CYP2C19: variants seen among roughly 807,000 people sequenced by gnomAD.
CYP2C19 encodes the protein cytochrome P450 family 2 subfamily C member 19.
CYP2C19 carries 59 observed loss-of-function variants against 40.9 expected under a neutral mutation model. That is an observed-to-expected ratio of 1.44 (90% confidence interval 1.17 to 1.79). The LOEUF is 1.79. Among genes scored for constraint, CYP2C19 ranks in the 40% most tolerant of loss-of-function variants. The pLI is 0.00. For synonymous variants in CYP2C19, 253 were observed against 208.7 expected (o/e 1.21, Z -1.83); for missense variants, 754 against 596.9 (o/e 1.26, Z -2.74).
In CYP2C19 at chr10:94,774,861, T is replaced by C. The variant is rs1229067514; in HGVS notation, c.169-197T>C. The stretch of plus-strand genomic sequence containing the variant: ...AATCTGTGTAGCAATTGTCTGACCA[T>C]TGCCTTGAACATCATAGGCCATCTG... On this transcript the variant is annotated intron_variant, in intron 1 of 8. Coordinates refer to ENST00000371321, the MANE Select transcript of CYP2C19 (RefSeq NM_000769.4). 1.5e-5 allele frequency: 9 copies of C among 610,774 alleles called. No homozygotes were observed. The East Asian group carries it at 2.5e-4, about 17-fold the overall frequency. 37.8% of individuals were successfully genotyped at this position (610,774 alleles called of 1,614,324 possible). A position where few individuals can be genotyped will look rare whatever the true frequency, so the allele number is the denominator to read the frequency against.
intron 6 of CYP2C19, among the ~76,000 whole-genome samples, chr10:94,836,477 G>T (rs1849405371): frequency 6.6e-6 from 1 of 152,162 alleles, no homozygotes; most frequent in Non-Finnish European, 1.5e-5. Flanking sequence ...CTTCTTTAGG[G>T]CCTGGAAAGC....
chr10:94,804,701 C>T (rs766388814), intron 5 of CYP2C19, among the ~76,000 whole-genome samples: 1 of 152,116 alleles, frequency 6.6e-6, no homozygotes, highest in Non-Finnish European at 1.5e-5. Context: ...CAGCTGAATG[C>T]CATCATGAGG....
intron 5 of CYP2C19, among the ~76,000 whole-genome samples, chr10:94,807,650 C>T (rs542347431): frequency 7.9e-5 from 12 of 152,098 alleles, no homozygotes; most frequent in Non-Finnish European, 1.5e-4. Context: ...TAATCATAAG[C>T]ATTTTCCATA....
At chr10:94,782,796 C>A (rs1436875746) in intron 5 of CYP2C19, among the ~76,000 whole-genome samples, 1 of 152,136 alleles carries the variant, frequency 6.6e-6, no homozygotes, top group Non-Finnish European at 1.5e-5. Flanking sequence ...AAGATGAATT[C>A]ATGTCCTCTG....
chr10:94,794,431 C>T (rs545546389), intron 5 of CYP2C19, among the ~76,000 whole-genome samples: 3 of 152,178 alleles, frequency 2.0e-5, no homozygotes, highest in Non-Finnish European at 2.9e-5. Context: ...CCATCTTCTA[C>T]ATTGCTCACA....
At chr10:94,779,551 T>TTTTTCTTTTCTTTTC (rs6144036) in intron 3 of CYP2C19, among the ~76,000 whole-genome samples, 23,129 of 135,912 alleles carry the variant, frequency 0.17, 2,174 homozygotes, top group South Asian at 0.34. Context: ...CTTTTTTTCC[T>TTTTTCTTTTCTTTTC]TTTTCTTTTC....
chr10:94,829,748 C>A (rs1300802420), intron 6 of CYP2C19, among the ~76,000 whole-genome samples: 1 of 151,630 alleles, frequency 6.6e-6, no homozygotes, highest in Non-Finnish European at 1.5e-5. Flanking sequence ...TTAGAGTTTC[C>A]AGTTTTTCTG....
chr10:94,803,389 G>A (rs544980778), intron 5 of CYP2C19, among the ~76,000 whole-genome samples: 124 of 152,288 alleles, frequency 8.1e-4, no homozygotes, highest in African/African-American at 2.9e-3. Context: ...CATGTCAGTA[G>A]ATGGGACTTG....
At chr10:94,828,249 T>C (rs909164840) in intron 6 of CYP2C19, among the ~76,000 whole-genome samples, 2 of 151,168 alleles carry the variant, frequency 1.3e-5, no homozygotes, top group Admixed American at 6.6e-5. Flanking sequence ...ATCTGTCTAA[T>C]GTTGACAGTG....
chr10:94,823,000 G>A (rs74152372), intron 6 of CYP2C19, among the ~76,000 whole-genome samples: 1,848 of 151,976 alleles, frequency 0.012, 55 homozygotes, highest in African/African-American at 0.043. Flanking sequence ...TTTAAGCTAT[G>A]TAGAGTACAG....
In CYP2C19 at chr10:94,780,593, G is replaced by A. The variant is rs777902393; in HGVS notation, c.576G>A (p.Gln192=). The A allele has an allele frequency of 6.8e-6, 11 of 1,613,736 alleles. No individual in the cohort carries two copies. The highest frequency in any genetic ancestry group is 3.3e-5 in the Admixed American group (2 of 59,962). The change falls in exon 4 of 9, where the codon CAG becomes CAA. Residue 192 remains glutamine (Q), a synonymous_variant. Transcript: ENST00000371321. ...AGAAACGTTTCGATTATAAAGATCA[G>A]CAATTTCTTAACTTGATGGAAAAAT... ...IFQKRFDYKD[Q]QFLNLMEKLN...
At chr10:94,824,951 C>T (rs567743178) in intron 6 of CYP2C19, among the ~76,000 whole-genome samples, 3 of 147,490 alleles carry the variant, frequency 2.0e-5, no homozygotes, top group African/African-American at 5.0e-5. Context: ...ATGATGATTT[C>T]CAATTTCATC....
rs907853747 is a variant in CYP2C19 at position 94,853,194 on chromosome 10, T to G, written c.*280T>G. 3.8e-5 allele frequency: 16 copies of G among 418,790 alleles called. No homozygotes were observed. The highest frequency in any genetic ancestry group is 6.7e-5 in the Non-Finnish European group (16 of 237,504). The allele number at this position is 418,790 out of a possible 1,614,324, so 25.9% of individuals were successfully genotyped here. A position where few individuals can be genotyped will look rare whatever the true frequency, so the allele number is the denominator to read the frequency against. ...TATTATTAAATAGAGAAAGATGATT[T>G]GTGTATTATAATTCAAAGGCATTTC... On this transcript the variant is annotated 3_prime_UTR_variant, in exon 9 of 9. Transcript: ENST00000371321.
chr10:94,800,570 G>C (rs1471364976), intron 5 of CYP2C19, among the ~76,000 whole-genome samples: 2 of 152,180 alleles, frequency 1.3e-5, no homozygotes, highest in East Asian at 3.9e-4. Flanking sequence ...TGTCAGATAG[G>C]GATGTTTAAG....
intron 5 of CYP2C19, among the ~76,000 whole-genome samples, chr10:94,786,941 T>A (rs182929850): frequency 7.2e-5 from 11 of 151,766 alleles, no homozygotes; most frequent in Admixed American, 2.6e-4. Context: ...CTATTGTGAA[T>A]AGTGCAGAGA....
At chr10:94,831,231 A>C (rs752355395) in intron 6 of CYP2C19, among the ~76,000 whole-genome samples, 11 of 152,190 alleles carry the variant, frequency 7.2e-5, no homozygotes, top group Non-Finnish European at 1.5e-4. Flanking sequence ...ATGGCTGAAT[A>C]GAACTCCATT....
Position 94,852,855 on chromosome 10 carries a change from G to T in CYP2C19, c.1414G>T (p.Val472Phe). 6.2e-7 allele frequency: 1 copy of T among 1,614,036 alleles called. No homozygotes were observed. Among genetic ancestry groups the T allele is most frequent in the Non-Finnish European group, 8.5e-7 (1 of 1,179,964 alleles). ...CCCAAAGGACCTTGACACAACTCCT[G>T]TTGTCAATGGATTTGCTTCTGTCCC... ...IDPKDLDTTP[V>F]VNGFASVPPF... is the part of the protein sequence containing the mutation. The change falls in exon 9 of 9, where the codon GTT (valine) becomes TTT (phenylalanine). Residue 472 changes from valine to phenylalanine, a missense_variant. Coordinates refer to ENST00000371321, the MANE Select transcript of CYP2C19 (RefSeq NM_000769.4).
intron 5 of CYP2C19, among the ~76,000 whole-genome samples, chr10:94,805,527 A>G (rs1198791274): frequency 1.3e-5 from 2 of 152,224 alleles, no homozygotes; most frequent in Admixed American, 6.5e-5. Context: ...TTGTGCAAAC[A>G]TCACTGCCAT....
chr10:94,764,165 G>T (rs1331575580), intron 1 of CYP2C19, among the ~76,000 whole-genome samples: 1 of 152,130 alleles, frequency 6.6e-6, no homozygotes, highest in Non-Finnish European at 1.5e-5. Flanking sequence ...AAAGAACAAA[G>T]CTTCCACAGC....
Sources: allele counts gnomAD v4.1 joint callset (sites outside exome capture counted in the v4.1 genomes callset), GRCh38; gene constraint gnomAD v4.1.1; transcripts MANE v1.5; gene names NCBI Gene and HGNC (gene_info 2026-07-23, HGNC 2026-07-21).